Variants in RGS7 observed in about 807,000 individuals in gnomAD.
RGS7 encodes the protein regulator of G protein signaling 7.
RGS7 carries 27 observed loss-of-function variants against 81.1 expected under a neutral mutation model. That is an observed-to-expected ratio of 0.33 (90% CI 0.25 to 0.46). RGS7 has a LOEUF of 0.46. Ranked by LOEUF, RGS7 falls within the 20% of genes least tolerant of loss-of-function variation. RGS7 has a pLI of 1.00. For synonymous variants in RGS7, 208 were observed against 207.7 expected, an observed-to-expected ratio of 1.00 and a Z score of -0.01; for missense variants, 396 against 607.4, an observed-to-expected ratio of 0.65 and a Z score of 3.66.
chr1:241,240,167 C>A (rs574642928), intron 2 of RGS7, among the ~76,000 whole-genome samples: 3 of 152,132 alleles, frequency 2.0e-5, no homozygotes, highest in Non-Finnish European at 2.9e-5. Context: ...ACACTGAAAC[C>A]AAAGTGTTTT....
At chr1:240,954,702 T>C (rs997543776) in intron 4 of RGS7, among the ~76,000 whole-genome samples, 93 of 152,246 alleles carry the variant, frequency 6.1e-4, no homozygotes, top group African/African-American at 2.2e-3. Context: ...GGCAAGAGTG[T>C]CCTCTTTCAC....
intron 2 of RGS7, among the ~76,000 whole-genome samples, chr1:241,318,615 C>A (rs2081028028): frequency 1.3e-5 from 2 of 152,086 alleles, no homozygotes; most frequent in South Asian, 4.1e-4. Context: ...TGCCACCATA[C>A]CTGGCTAATT....
intron 14 of RGS7, 36 bp downstream of exon 14, chr1:240,811,882 T>C: frequency 6.4e-7 from 1 of 1,560,128 alleles, no homozygotes; most frequent in South Asian, 1.1e-5. Flanking sequence ...CAGACAGTAT[T>C]TCTCTGGCTT....
chr1:241,356,073 T>C (rs2083544126), intron 1 of RGS7, among the ~76,000 whole-genome samples: 1 of 152,244 alleles, frequency 6.6e-6, no homozygotes, highest in Middle Eastern at 3.2e-3. Flanking sequence ...CTTCATTTTC[T>C]GGATACTCAT....
At chr1:241,153,721 C>T (rs779220057) in intron 2 of RGS7, among the ~76,000 whole-genome samples, 1 of 152,222 alleles carries the variant, frequency 6.6e-6, no homozygotes, top group Non-Finnish European at 1.5e-5. Context: ...TCTCCTTGGC[C>T]TTACTACTTT....
intron 2 of RGS7, among the ~76,000 whole-genome samples, chr1:241,334,039 T>C (rs1295318169): frequency 6.7e-6 from 1 of 149,514 alleles, no homozygotes; most frequent in East Asian, 2.0e-4. Flanking sequence ...TATACATATA[T>C]ATAGTATATA....
At chr1:240,951,637 A>T (rs1468672719) in intron 4 of RGS7, among the ~76,000 whole-genome samples, 1 of 152,164 alleles carries the variant, frequency 6.6e-6, no homozygotes, top group Non-Finnish European at 1.5e-5. Context: ...AACAACAATA[A>T]CAAAAGCATC....
chr1:241,342,696 G>A (rs1344970409), intron 2 of RGS7, among the ~76,000 whole-genome samples: 1 of 152,154 alleles, frequency 6.6e-6, no homozygotes, highest in African/African-American at 2.4e-5. Flanking sequence ...CTAAAGTGCG[G>A]ACAATCCGAC....
intron 4 of RGS7, among the ~76,000 whole-genome samples, chr1:240,968,855 T>C (rs115069511): frequency 0.028 from 4,320 of 152,208 alleles, 80 homozygotes; most frequent in Non-Finnish European, 0.045. Flanking sequence ...TAAAAGAAAA[T>C]GTTTCATGAA....
rs58632066 is a variant in RGS7 at position 241,148,051 on chromosome 1, C to CTTTTTTTTTTTTTTTT, written c.79-49305_79-49290dup. On this transcript the variant is annotated intron_variant, in intron 2 of 18. Coordinates refer to ENST00000440928, the MANE Select transcript of RGS7 (RefSeq NM_001364886.1). Reference sequence around the variant, plus strand: ...TTCAAATTTTCTTTCTTTTCTTTTTCTTTTTTTTTTTTTTTTTTGAGACGG... The same window carrying CTTTTTTTTTTTTTTTT: ...TTCAAATTTTCTTTCTTTTCTTTTTCTTTTTTTTTTTTTTTTTTTTTTTTTTTTTTTTTTGAGACGG... 2.5e-4 allele frequency among the ~76,000 whole-genome samples: 27 copies of CTTTTTTTTTTTTTTTT among 108,490 alleles called. 1 individual carries two copies. The highest frequency in any genetic ancestry group is 3.9e-4 in the Non-Finnish European group (21 of 54,344). The allele number at this position is 108,490 out of a possible 152,430, so 71.2% of individuals were successfully genotyped here.
chr1:241,232,113 A>G (rs1415437583), intron 2 of RGS7, among the ~76,000 whole-genome samples: 3 of 152,188 alleles, frequency 2.0e-5, no homozygotes, highest in South Asian at 2.1e-4. Context: ...CTTTACACCT[A>G]TGTTGAAAAC....
intron 3 of RGS7, among the ~76,000 whole-genome samples, chr1:241,085,195 G>A (rs1361335224): frequency 6.6e-6 from 1 of 152,162 alleles, no homozygotes; most frequent in African/African-American, 2.4e-5. Context: ...ATCCAATAGG[G>A]AAAGCCTCAT....
intron 2 of RGS7, among the ~76,000 whole-genome samples, chr1:241,329,868 G>A (rs973298402): frequency 1.3e-5 from 2 of 151,960 alleles, no homozygotes; most frequent in African/African-American, 4.8e-5. Context: ...CCATTGTATA[G>A]CAGCAAGTGC....
intron 2 of RGS7, among the ~76,000 whole-genome samples, chr1:241,220,950 C>G (rs1321865447): frequency 1.8e-4 from 10 of 54,320 alleles, no homozygotes; most frequent in Admixed American, 6.5e-4. Flanking sequence ...AAGGAAGAAG[C>G]AAGGAAGGAA....
intron 18 of RGS7, among the ~76,000 whole-genome samples, chr1:240,787,102 T>C (rs1258447081): frequency 6.6e-6 from 1 of 152,212 alleles, no homozygotes; most frequent in Non-Finnish European, 1.5e-5. Context: ...TACTAGATGT[T>C]ATCATATTAA....
At chr1:240,968,712 G>C (rs1322971218) in intron 4 of RGS7, among the ~76,000 whole-genome samples, 1 of 152,106 alleles carries the variant, frequency 6.6e-6, no homozygotes, top group African/African-American at 2.4e-5. Context: ...TGTCTTGTGT[G>C]GTTTGAGACA....
chr1:240,812,089 T>C (rs1689946917), intron 13 of RGS7, 46 bp from the exon 14 acceptor site: 1 of 1,611,700 alleles, frequency 6.2e-7, no homozygotes, highest in Admixed American at 1.7e-5. Flanking sequence ...TCATTAGAAT[T>C]CCCATTTTTT....
At chr1:240,901,020 CT>C (rs1669915607) in intron 6 of RGS7, among the ~76,000 whole-genome samples, 1 of 152,218 alleles carries the variant, frequency 6.6e-6, no homozygotes, top group African/African-American at 2.4e-5. Context: ...AGCCTCGCTG[CT>C]GCCTTGCAGT....
rs79979824 is a variant in RGS7, at chr1:241,036,712, T to C, written c.176-53583A>G. ...GGATTAGATGGTTTGCCTAAGTATG[T>C]TGTAGTAGAGACTAGCTGAAACTAT... On this transcript the variant is annotated intron_variant, in intron 3 of 18. Coordinates refer to ENST00000440928, the MANE Select transcript of RGS7 (RefSeq NM_001364886.1). Among the ~76,000 whole-genome samples the C allele has an allele frequency of 5.8e-3, 885 of 152,326 alleles. 8 individuals carry two copies. Among genetic ancestry groups the C allele is most frequent in the Admixed American group, 0.021 (324 of 15,292 alleles).
Sources: allele counts gnomAD v4.1 joint callset (sites outside exome capture counted in the v4.1 genomes callset), GRCh38; gene constraint gnomAD v4.1.1; transcripts MANE v1.5; gene names NCBI Gene and HGNC (gene_info 2026-07-23, HGNC 2026-07-21).